Variants in HERC3 observed in about 807,000 individuals in gnomAD.
The protein encoded by HERC3 is HECT and RLD domain containing E3 ubiquitin protein ligase 3, also known as probable E3 ubiquitin-protein ligase HERC3.
Under a neutral mutation model 129.9 loss-of-function variants are expected in HERC3, and 58 were observed. The ratio of observed to expected loss-of-function variants is 0.45; its 90% CI spans 0.36 to 0.56. The LOEUF is 0.56. Ranked by LOEUF, HERC3 falls within the 20% of genes least tolerant of loss-of-function variation. HERC3 has a pLI of 0.00. For missense variants in HERC3, 835 were observed against 1,244.2 expected, an observed-to-expected ratio of 0.67 and a Z score of 4.95; for synonymous variants, 430 against 451.0, an observed-to-expected ratio of 0.95 and a Z score of 0.59.
intron 16 of HERC3, among the ~76,000 whole-genome samples, chr4:88,675,365 CA>C (rs910635262): frequency 1.3e-5 from 2 of 152,146 alleles, no homozygotes; most frequent in Non-Finnish European, 2.9e-5. Context: ...GTTATTCAAA[CA>C]AATGTAACTT....
At chr4:88,562,143 C>A in the HERC3 span, among the ~76,000 whole-genome samples, 40 of 152,166 alleles carry the variant, frequency 2.6e-4, no homozygotes, top group African/African-American at 9.4e-4. Context: ...TTTTCTACAC[C>A]CTCACCCCAG....
In HERC3 at chr4:88,606,008, C is replaced by T. The variant is rs776862256; in HGVS notation, c.185C>T (p.Thr62Ile). The change falls in exon 3 of 26, where the codon ACC becomes ATC. Residue 62 changes from threonine to isoleucine, a missense_variant. By Grantham distance (89) the Thr-to-Ile change is moderately conservative (BLOSUM62 -1). Coordinates refer to ENST00000402738, the MANE Select transcript of HERC3 (RefSeq NM_014606.3). ...DGEVYTCGLN[T>I]KGQLGHEREG... ...GAAGTTTACACATGTGGTTTGAACA[C>T]CAAGGGGCAACTGGGCCATGAGAGG... 3 of 1,614,026 alleles carry T rather than the reference C, an allele frequency of 1.9e-6. No homozygotes were observed. Among genetic ancestry groups the T allele is most frequent in the East Asian group, 4.5e-5 (2 of 44,884 alleles).
chr4:88,651,844 T>G (rs1010151361), intron 4 of HERC3, among the ~76,000 whole-genome samples, 168 bp from the exon 5 acceptor site: 8 of 152,192 alleles, frequency 5.3e-5, no homozygotes, highest in Non-Finnish European at 1.2e-4. Context: ...CACCTTGGCC[T>G]CCCAAAGTGC....
At position 88,606,008 on chromosome 4, in the gene HERC3, C is replaced by G. The variant is rs776862256; in HGVS notation, c.185C>G (p.Thr62Ser). ...DGEVYTCGLN[T>S]KGQLGHEREG... is the part of the protein sequence containing the mutation. ...GAAGTTTACACATGTGGTTTGAACA[C>G]CAAGGGGCAACTGGGCCATGAGAGG... is the stretch of plus-strand genomic sequence containing the variant. Residue 62 changes from threonine (T) to serine (S), a missense_variant, in exon 3 of 26, where the codon ACC becomes AGC. Coordinates refer to ENST00000402738, the MANE Select transcript of HERC3 (RefSeq NM_014606.3). The G allele has an allele frequency of 6.2e-7, 1 of 1,614,026 alleles. No homozygotes were observed.
At chr4:88,574,413 A>G in the HERC3 span, among the ~76,000 whole-genome samples, 1 of 149,522 alleles carries the variant, frequency 6.7e-6, no homozygotes, top group East Asian at 2.0e-4. Context: ...ATTATTTTTA[A>G]TTGTGGTAAA....
At chr4:88,653,933 C>A in intron 6 of HERC3, 109 bp from the exon 7 acceptor site, 1 of 761,020 alleles carries the variant, frequency 1.3e-6, no homozygotes, top group South Asian at 1.6e-5. Flanking sequence ...AGGCAGGAAA[C>A]TGAACATGCG....
intron 21 of HERC3, among the ~76,000 whole-genome samples, chr4:88,683,542 G>A (rs1048567613): frequency 3.9e-5 from 6 of 152,202 alleles, no homozygotes; most frequent in Admixed American, 2.0e-4. Context: ...TGTATTTCAA[G>A]TAATGACTTT....
At chr4:88,551,155 A>C in the HERC3 span, among the ~76,000 whole-genome samples, 1 of 152,078 alleles carries the variant, frequency 6.6e-6, no homozygotes, top group Non-Finnish European at 1.5e-5. Context: ...TAAAGACTTA[A>C]ACGTTAGACC....
At chr4:88,611,998 T>C (rs1166260745) in intron 3 of HERC3, among the ~76,000 whole-genome samples, 3 of 152,218 alleles carry the variant, frequency 2.0e-5, no homozygotes. Context: ...TCTTCTAATG[T>C]GTGCCTTGAT....
chr4:88,685,664 C>A (rs1037000652), intron 21 of HERC3, among the ~76,000 whole-genome samples: 1 of 151,912 alleles, frequency 6.6e-6, no homozygotes, highest in Non-Finnish European at 1.5e-5. Context: ...GGCTTAAAAC[C>A]TAGATGACAG....
At chr4:88,562,550 G>A in the HERC3 span, among the ~76,000 whole-genome samples, 49 of 152,102 alleles carry the variant, frequency 3.2e-4, no homozygotes, top group African/African-American at 1.2e-3. Flanking sequence ...CTGTGCTTTG[G>A]GGGTATTACT....
In HERC3 at chr4:88,690,011, A is replaced by G. The variant is rs3017909; in HGVS notation, c.2657+2712A>G. ...AGCTTTGGGGAAAGTGAGCTATAGT[A>G]TCAGAGTTGAGTGAAATGATGCAGA... is the stretch of plus-strand genomic sequence containing the variant. On this transcript the variant is annotated intron_variant, in intron 23 of 25. Transcript: ENST00000402738. 12,562 of 985,296 alleles carry G rather than the reference A, an allele frequency of 0.013. 660 individuals are homozygous for G. In the East Asian group the frequency reaches 0.26, roughly 21 times the overall value. The allele number at this position is 985,296 out of a possible 1,614,324, so 61.0% of individuals were successfully genotyped here. A position where few individuals can be genotyped will look rare whatever the true frequency, so the allele number is the denominator to read the frequency against.
At chr4:88,651,309 A>C (rs988446232) in intron 4 of HERC3, among the ~76,000 whole-genome samples, 2 of 152,200 alleles carry the variant, frequency 1.3e-5, no homozygotes, top group African/African-American at 2.4e-5. Flanking sequence ...ATTTGTATAT[A>C]GTTTTCTATT....
intron 3 of HERC3, among the ~76,000 whole-genome samples, chr4:88,617,570 G>C (rs1198732136): frequency 2.0e-5 from 3 of 152,136 alleles, no homozygotes; most frequent in African/African-American, 7.2e-5. Flanking sequence ...GGCTGTTTGG[G>C]CACAAAGTCA....
the HERC3 span, among the ~76,000 whole-genome samples, chr4:88,546,719 T>G: frequency 6.6e-6 from 1 of 152,228 alleles, no homozygotes; most frequent in Non-Finnish European, 1.5e-5. Flanking sequence ...TTCAATGAAA[T>G]CATATGGCTC....
At chr4:88,678,255 A>G (rs1263147592) in intron 19 of HERC3, 121 bp downstream of exon 19, 2 of 826,540 alleles carry the variant, frequency 2.4e-6, no homozygotes, top group Non-Finnish European at 3.8e-6. Flanking sequence ...TCATTTTGCA[A>G]GAATTTAATC....
At chr4:88,596,285 A>C (rs1722380471) in intron 2 of HERC3, among the ~76,000 whole-genome samples, 2 of 152,242 alleles carry the variant, frequency 1.3e-5, no homozygotes, top group Admixed American at 1.3e-4. Flanking sequence ...AAATTTGATA[A>C]TATAACTCTG....
At chr4:88,610,901 C>G (rs1724242350) in intron 3 of HERC3, among the ~76,000 whole-genome samples, 1 of 152,224 alleles carries the variant, frequency 6.6e-6, no homozygotes, top group South Asian at 2.1e-4. Flanking sequence ...TGAGTGAGCT[C>G]TGGCAAAGCA....
At chr4:88,630,323 A>C (rs753251521) in intron 3 of HERC3, among the ~76,000 whole-genome samples, 3 of 152,128 alleles carry the variant, frequency 2.0e-5, no homozygotes, top group Non-Finnish European at 4.4e-5. Context: ...CTTTGATATG[A>C]ATTATAGCAC....
Sources: gnomAD v4.1 joint callset for allele counts (sites outside exome capture counted in the v4.1 genomes callset) on GRCh38, gnomAD v4.1.1 for gene constraint, MANE v1.5 for transcripts, NCBI Gene and HGNC (gene_info 2026-07-23, HGNC 2026-07-21) for gene names.